MEF2D: variants seen among roughly 807,000 people sequenced by gnomAD.
The protein encoded by MEF2D is myocyte enhancer factor 2D.
In MEF2D, 10 loss-of-function variants were observed where a neutral mutation model predicts 59.3. The observed-to-expected ratio is 0.17, with a 90% CI of 0.10 to 0.29. MEF2D has a LOEUF of 0.29. MEF2D is among the 10% of genes least tolerant of loss of function. The probability of loss-of-function intolerance (pLI) is 1.00; values close to 1 mark genes in which losing one functional copy is unlikely to be tolerated. For synonymous variants in MEF2D, 305 were observed against 295.0 expected (o/e 1.03, Z -0.35); for missense variants, 508 against 699.4 (o/e 0.73, Z 3.09).
At chr1:156,481,897 C>T (rs999718801) in intron 3 of MEF2D, among the ~76,000 whole-genome samples, 1 of 152,224 alleles carries the variant, frequency 6.6e-6, no homozygotes, top group Non-Finnish European at 1.5e-5. Flanking sequence ...AGCACCTGCC[C>T]AAGGCCATGT....
At chr1:156,473,110 C>T (rs1386815537) in intron 9 of MEF2D, among the ~76,000 whole-genome samples, 1 of 152,030 alleles carries the variant, frequency 6.6e-6, no homozygotes, top group African/African-American at 2.4e-5. Context: ...CTCTGCCTCC[C>T]GGATTCAAGT....
chr1:156,469,126 G>A, intron 9 of MEF2D, 106 bp from the exon 10 acceptor site: 2 of 1,413,248 alleles, frequency 1.4e-6, no homozygotes, highest in African/African-American at 1.4e-5. Flanking sequence ...GACAGGGAGT[G>A]TGTAATGACA....
chr1:156,478,638 C>T (rs1157217245), intron 6 of MEF2D, among the ~76,000 whole-genome samples: 2 of 152,190 alleles, frequency 1.3e-5, no homozygotes, highest in African/African-American at 2.4e-5. Flanking sequence ...TTAAGCGATT[C>T]TCCTGCCTCA....
chr1:156,496,785 T>C (rs1223355643), intron 1 of MEF2D, among the ~76,000 whole-genome samples: 4 of 152,218 alleles, frequency 2.6e-5, no homozygotes, highest in African/African-American at 9.7e-5. Flanking sequence ...TGCTGTGGAC[T>C]GCATTGGGCA....
intron 3 of MEF2D, 65 bp downstream of exon 3, chr1:156,482,372 C>A: frequency 1.3e-6 from 2 of 1,562,318 alleles, no homozygotes; most frequent in Non-Finnish European, 1.8e-6. Context: ...GTACATGCAA[C>A]GTGGGCACGT....
chr1:156,483,299 C>T lies in MEF2D; in HGVS notation c.-7G>A, dbSNP rs539060594. On this transcript the variant is annotated 5_prime_UTR_variant, in exon 2 of 12. Transcript: ENST00000348159. ...GAATCTTTTTCCTCCCCATCTTCTC[C>T]GGGGGTCCTCAGTGCTACGGAGGGG... The T allele has an allele frequency of 2.7e-5, 44 of 1,614,078 alleles. No homozygotes were observed. In the Admixed American group the frequency reaches 3.2e-4, roughly 12 times the overall value.
rs778842912 is a variant in MEF2D, at chr1:156,485,281, T to C, written c.-138-1851A>G. ...GGAGCCTTTCCAGCCCAACTCTACA[T>C]GGCCCCTACGGTACCACAGTAGATG... On this transcript the variant is annotated intron_variant, in intron 1 of 11. Coordinates refer to ENST00000348159, the MANE Select transcript of MEF2D (RefSeq NM_005920.4). Among the ~76,000 whole-genome samples, 17 of 152,138 alleles carry C rather than the reference T, an allele frequency of 1.1e-4. 1 individual carries two copies. Among genetic ancestry groups the C allele is most frequent in the South Asian group, 6.2e-4 (3 of 4,830 alleles).
At position 156,477,039 on chromosome 1, in the gene MEF2D, C is replaced by A; in HGVS notation, c.828G>T (p.Gln276His). ...RKPDLRVITS[Q>H]AGKGLMHHLT... ...AGTGATGCATTAACCCCTTTCCTGC[C>A]TGGGAAGTGATGACTCGCAGGTCGG... is the stretch of plus-strand genomic sequence containing the variant. Residue 276 changes from glutamine to histidine, a missense_variant, in exon 7 of 12, where the codon CAG (glutamine) becomes CAT (histidine). By Grantham distance (24) the Gln-to-His change is conservative. Coordinates refer to ENST00000348159, the MANE Select transcript of MEF2D (RefSeq NM_005920.4). The A allele has an allele frequency of 6.2e-7, 1 of 1,613,956 alleles. No homozygotes were observed. Among genetic ancestry groups the A allele is most frequent in the Admixed American group, 1.7e-5 (1 of 60,012 alleles).
rs752887544 is a variant in MEF2D at position 156,468,255 on chromosome 1, G to A, written c.1292C>T (p.Thr431Ile). 1.3e-6 allele frequency: 2 copies of A among 1,588,752 alleles called. No individual in the cohort carries two copies. Among genetic ancestry groups the A allele is most frequent in the South Asian group, 1.1e-5 (1 of 87,016 alleles). The part of the protein sequence containing the change: ...LPHVGAALTV[T>I]THPHISIKSE... ...CTTGATGCTGATGTGGGGGTGGGTG[G>A]TGACTGTGAGGGCAGCACCCACGTG... The change falls in exon 11 of 12, where the codon ACC (threonine) becomes ATC (isoleucine). Residue 431 changes from threonine (T) to isoleucine (I), a missense_variant. Physicochemically the swap from Thr to Ile is moderately conservative, Grantham distance 89. Coordinates refer to ENST00000348159, the MANE Select transcript of MEF2D (RefSeq NM_005920.4). The surrounding 1 kb of genome is among the most constrained non-coding windows in gnomAD (Gnocchi z 4.3).
chr1:156,476,587 A>C, intron 7 of MEF2D, 73 bp from the exon 8 acceptor site: 6 of 1,561,912 alleles, frequency 3.8e-6, no homozygotes. Flanking sequence ...CTGTCCCCAC[A>C]GCTGTTCCAG....
intron 6 of MEF2D, among the ~76,000 whole-genome samples, chr1:156,477,762 C>G (rs1033849128): frequency 1.3e-5 from 2 of 152,156 alleles, no homozygotes; most frequent in African/African-American, 4.8e-5. Context: ...TGATTTGGAT[C>G]AACATGTGAC....
At position 156,480,604 on chromosome 1, in the gene MEF2D, A is replaced by C. The variant is rs1409441637; in HGVS notation, c.396+230T>G. On this transcript the variant is annotated intron_variant, in intron 4 of 11. Transcript: ENST00000348159. ...GAGAGCCAGGGCGCGAAGCCACACC[A>C]TGCACCACAGGGAGGCTCTGCTCCA... 11 of 1,523,394 alleles carry C rather than the reference A, an allele frequency of 7.2e-6. No individual in the cohort carries two copies. The South Asian group carries it at 1.4e-4, about 19-fold the overall frequency. The allele number at this position is 1,523,394 out of a possible 1,614,324, so 94.4% of individuals were successfully genotyped here.
intron 8 of MEF2D, 40 bp from the exon 9 acceptor site, chr1:156,475,277 T>G: frequency 6.5e-7 from 1 of 1,546,022 alleles, no homozygotes; most frequent in East Asian, 2.3e-5. Flanking sequence ...GGCTGACAGG[T>G]GGGCAGCTTT....
intron 8 of MEF2D, among the ~76,000 whole-genome samples, chr1:156,475,990 G>A (rs1287352494): frequency 6.6e-6 from 1 of 152,140 alleles, no homozygotes; most frequent in African/African-American, 2.4e-5. Context: ...CCACCAAGAA[G>A]GACAAGTCCA....
At chr1:156,474,896 C>T (rs1035776643) in intron 9 of MEF2D, among the ~76,000 whole-genome samples, 1 of 152,176 alleles carries the variant, frequency 6.6e-6, no homozygotes, top group Non-Finnish European at 1.5e-5. Context: ...CATATCTGTA[C>T]TAAAAAACTA....
At chr1:156,494,487 G>C (rs1673012433) in intron 1 of MEF2D, among the ~76,000 whole-genome samples, 1 of 152,106 alleles carries the variant, frequency 6.6e-6, no homozygotes. Flanking sequence ...GGATGGGGAG[G>C]GGAGGGCTGG....
In MEF2D at chr1:156,491,454, C is replaced by T. The variant is rs559185838; in HGVS notation, c.-138-8024G>A. Among the ~76,000 whole-genome samples, 5 of 152,292 alleles carry T rather than the reference C, an allele frequency of 3.3e-5. No homozygotes were observed. In the South Asian group the frequency reaches 8.3e-4, roughly 25 times the overall value. ...TGCTGGGGAGGAAAGGCAATGAGGG[C>T]GCTAGAAGACAGTCAGGATGGGGCT... On this transcript the variant is annotated intron_variant, in intron 1 of 11. Coordinates refer to ENST00000348159, the MANE Select transcript of MEF2D (RefSeq NM_005920.4).
chr1:156,480,691 T>G, intron 4 of MEF2D, 143 bp downstream of exon 4: 1 of 1,592,736 alleles, frequency 6.3e-7, no homozygotes, highest in Non-Finnish European at 8.5e-7. Flanking sequence ...CGTCTATCTT[T>G]TTATATTTCT....
intron 9 of MEF2D, among the ~76,000 whole-genome samples, chr1:156,469,603 A>AAAC (rs148482460): frequency 3.8e-3 from 571 of 148,922 alleles, no homozygotes; most frequent in African/African-American, 0.01. Flanking sequence ...AAAAAAAAAA[A>AAAC]AAACAGCTGG....
Sources: gnomAD v4.1 joint callset for allele counts (sites outside exome capture counted in the v4.1 genomes callset) on GRCh38, gnomAD v4.1.1 for gene constraint, Gnocchi (gnomAD v3.1) non-coding constraint, MANE v1.5 for transcripts, NCBI Gene and HGNC (gene_info 2026-07-23, HGNC 2026-07-21) for gene names.